The following ZNF362 variants were observed in gnomAD, a reference collection of about 807,000 sequenced individuals.
The protein encoded by ZNF362 is rotund homolog.
Under a neutral mutation model 42.9 loss-of-function variants are expected in ZNF362, and 11 were observed. The observed-to-expected ratio is 0.26, with a 90% confidence interval of 0.16 to 0.42. The LOEUF (loss-of-function observed/expected upper bound fraction) is 0.42. ZNF362 is among the 20% of genes least tolerant of loss of function. ZNF362 has a pLI of 1.00. For synonymous variants in ZNF362, 255 were observed against 257.3 expected, an observed-to-expected ratio of 0.99 and a Z score of 0.09; for missense variants, 362 against 576.2, an observed-to-expected ratio of 0.63 and a Z score of 3.81.
Position 33,280,087 on chromosome 1 carries a change from T to TC in ZNF362, c.350-35dup. The stretch of plus-strand genomic sequence containing the variant: ...GGGCAGCTGAGCTGGCCTCTGCAGC[T>TC]CCGCTCACCCCTGCCCCCACCCACC... On this transcript the variant is annotated intron_variant, in intron 4 of 8. Coordinates refer to ENST00000539719, the MANE Select transcript of ZNF362 (RefSeq NM_152493.3). This position sits in a 1 kb window ranked among gnomAD's most constrained non-coding sequence, Gnocchi z 5.6. 6.6e-7 allele frequency: 1 copy of TC among 1,523,842 alleles called. No individual in the cohort carries two copies. 94.4% of individuals were successfully genotyped at this position (1,523,842 alleles called of 1,614,324 possible).
intron 6 of ZNF362, among the ~76,000 whole-genome samples, chr1:33,286,756 G>A (rs1646035785): frequency 6.6e-6 from 1 of 152,154 alleles, no homozygotes; most frequent in South Asian, 2.1e-4. Flanking sequence ...CAGATTCCTT[G>A]TCCTCTGCTA....
the ZNF362 span, among the ~76,000 whole-genome samples, chr1:33,229,609 G>A: frequency 3.9e-5 from 6 of 151,948 alleles, no homozygotes; most frequent in African/African-American, 1.5e-4. Context: ...GTTTCACCAT[G>A]TTGGCCAGAC....
the ZNF362 span, chr1:33,158,473 T>A: frequency 1.2e-6 from 1 of 841,092 alleles, no homozygotes; most frequent in South Asian, 1.5e-5. Flanking sequence ...GATGTGGTCA[T>A]GAGTGAGAAG....
intron 6 of ZNF362, among the ~76,000 whole-genome samples, chr1:33,288,754 A>AAAAAAAAAAAAAAAAAAAG (rs1646051513): frequency 6.8e-6 from 1 of 146,050 alleles, no homozygotes; most frequent in Non-Finnish European, 1.5e-5. Flanking sequence ...AAAAAAAAAA[A>AAAAAAAAAAAAAAAAAAAG]AAAAAAAAGA....
chr1:33,211,136 T>C, the ZNF362 span, among the ~76,000 whole-genome samples: 4 of 152,250 alleles, frequency 2.6e-5, no homozygotes, highest in South Asian at 4.1e-4. Flanking sequence ...GGTTTCACCA[T>C]GTTAGCCAGG....
chr1:33,236,319 C>T, the ZNF362 span, among the ~76,000 whole-genome samples: 43 of 150,966 alleles, frequency 2.8e-4, no homozygotes, highest in East Asian at 7.0e-3. Context: ...TTGGGAAGAT[C>T]GGTTGAGGCC....
chr1:33,295,476 T>C (rs985763223), intron 8 of ZNF362, among the ~76,000 whole-genome samples, 171 bp downstream of exon 8: 1 of 152,182 alleles, frequency 6.6e-6, no homozygotes, highest in African/African-American at 2.4e-5. Flanking sequence ...GAACCAGAGC[T>C]TTTGCTTCCC....
the ZNF362 span, among the ~76,000 whole-genome samples, chr1:33,219,460 A>G: frequency 6.6e-6 from 1 of 152,216 alleles, no homozygotes; most frequent in South Asian, 2.1e-4. Flanking sequence ...GGGAGATTGC[A>G]GGGCAGGAGC....
At chr1:33,286,167 C>T (rs1185046105) in intron 6 of ZNF362, among the ~76,000 whole-genome samples, 1 of 152,122 alleles carries the variant, frequency 6.6e-6, no homozygotes, top group South Asian at 2.1e-4. Flanking sequence ...TTGGTGTTGC[C>T]CAGCAGCCGT....
At chr1:33,172,122 G>A in the ZNF362 span, among the ~76,000 whole-genome samples, 1 of 152,142 alleles carries the variant, frequency 6.6e-6, no homozygotes, top group Non-Finnish European at 1.5e-5. Flanking sequence ...CTGCTCCATA[G>A]GCTTGCTCTG....
upstream of ZNF362, among the ~76,000 whole-genome samples, chr1:33,255,680 G>C (rs114736971): frequency 6.6e-6 from 1 of 152,174 alleles, no homozygotes; most frequent in Non-Finnish European, 1.5e-5. Context: ...TGCCAGCTTC[G>C]GGCCGCCCCA....
At chr1:33,216,716 C>T in the ZNF362 span, among the ~76,000 whole-genome samples, 3 of 151,098 alleles carry the variant, frequency 2.0e-5, no homozygotes, top group Non-Finnish European at 4.4e-5. Context: ...TCAAAAGCTT[C>T]GCACTTATAG....
At chr1:33,150,282 G>T in the ZNF362 span, among the ~76,000 whole-genome samples, 6 of 151,976 alleles carry the variant, frequency 3.9e-5, no homozygotes, top group Admixed American at 3.9e-4. Flanking sequence ...GTTATGCTTG[G>T]CTGGAGCATT....
Position 33,280,143 on chromosome 1 carries a change from G to A in ZNF362, c.369G>A (p.Arg123=). Residue 123 remains arginine (R), a synonymous_variant, in exon 5 of 9, where the codon CGG becomes CGA. Coordinates refer to ENST00000539719, the MANE Select transcript of ZNF362 (RefSeq NM_152493.3). This position sits in a 1 kb window ranked among gnomAD's most constrained non-coding sequence, Gnocchi z 5.6. ...STVTGLGLST[R]TPSVSTSESS... ...TCGCAGGTCTGGGGCTGTCCACCCGGACCCCGTCTGTGAGCACTTCTGAGT... is the reference window on the plus strand; with the variant it reads ...TCGCAGGTCTGGGGCTGTCCACCCGAACCCCGTCTGTGAGCACTTCTGAGT... 3 of 1,586,376 alleles carry A rather than the reference G, an allele frequency of 1.9e-6. No homozygotes were observed. Among genetic ancestry groups the A allele is most frequent in the Non-Finnish European group, 2.6e-6 (3 of 1,162,034 alleles).
At chr1:33,128,113 C>G in the ZNF362 span, among the ~76,000 whole-genome samples, 2 of 150,900 alleles carry the variant, frequency 1.3e-5, no homozygotes, top group Non-Finnish European at 2.9e-5. Flanking sequence ...CCTGTAATCC[C>G]AGCACTTTGG....
the ZNF362 span, among the ~76,000 whole-genome samples, chr1:33,162,525 C>T: frequency 8.5e-5 from 13 of 152,378 alleles, no homozygotes; most frequent in African/African-American, 3.1e-4. Flanking sequence ...GCTCTGCACC[C>T]CTGTGCCCAT....
chr1:33,210,330 G>A, the ZNF362 span, among the ~76,000 whole-genome samples: 1 of 152,144 alleles, frequency 6.6e-6, no homozygotes, highest in South Asian at 2.1e-4. Context: ...TTGCTGAGGA[G>A]TGTTTTACTT....
At chr1:33,143,554 C>T in the ZNF362 span, among the ~76,000 whole-genome samples, 1 of 152,174 alleles carries the variant, frequency 6.6e-6, no homozygotes, top group African/African-American at 2.4e-5. Context: ...CCACCCACCC[C>T]TGCCAACAGC....
chr1:33,295,074 A>T (rs1285900942), intron 7 of ZNF362, 59 bp downstream of exon 7: 2 of 1,304,088 alleles, frequency 1.5e-6, no homozygotes, highest in African/African-American at 3.1e-5. Context: ...ACCCACCCCC[A>T]CAAGGAAGCG....
Sources: gnomAD v4.1 joint callset for allele counts (sites outside exome capture counted in the v4.1 genomes callset) on GRCh38, gnomAD v4.1.1 for gene constraint, Gnocchi (gnomAD v3.1) non-coding constraint, MANE v1.5 for transcripts, NCBI Gene and HGNC (gene_info 2026-07-23, HGNC 2026-07-21) for gene names.